FBXO25: variants seen among roughly 807,000 people sequenced by gnomAD.
The protein encoded by FBXO25 is F-box only protein 25.
A neutral mutation model predicts 51.9 loss-of-function variants in FBXO25; 45 were observed. The observed-to-expected ratio is 0.87, with a 90% confidence interval of 0.68 to 1.11. The LOEUF (loss-of-function observed/expected upper bound fraction) is 1.11, where lower values mean the gene tolerates loss of function less well. Among genes scored for constraint, FBXO25 ranks in the 50% most tolerant of loss-of-function variants. FBXO25 has a pLI of 0.00. For missense variants in FBXO25, 507 were observed against 428.5 expected, an observed-to-expected ratio of 1.18 and a Z score of -1.62; for synonymous variants, 199 against 151.0, an observed-to-expected ratio of 1.32 and a Z score of -2.33.
In FBXO25 at chr8:451,271, C is replaced by G; in HGVS notation, c.478C>G (p.Leu160Val). Reference sequence around the variant, plus strand: ...AGTTTTATTTTTATTTATTCCAGTTCTTGATGACCACCACAATCCTCGCTT... The same window carrying G: ...AGTTTTATTTTTATTTATTCCAGTTGTTGATGACCACCACAATCCTCGCTT... ...NILDKIVQKV[L>V]DDHHNPRLIK... is the part of the protein sequence containing the mutation. Residue 160 changes from leucine to valine, a missense_variant and splice_region_variant, in exon 7 of 10, where the codon CTT becomes GTT. Coordinates refer to ENST00000350302, the MANE Select transcript of FBXO25 (RefSeq NM_183420.2). The G allele has an allele frequency of 1.3e-6, 2 of 1,590,390 alleles. No individual in the cohort carries two copies. The highest frequency in any genetic ancestry group is 1.7e-6 in the Non-Finnish European group (2 of 1,172,348).
chr8:419,490 A>G (rs1167534511), intron 2 of FBXO25, among the ~76,000 whole-genome samples: 3 of 152,248 alleles, frequency 2.0e-5, no homozygotes, highest in Admixed American at 1.3e-4. Context: ...AGGACCCCAG[A>G]TAAGTCCATA....
chr8:441,430 GC>G (rs1157469560), intron 5 of FBXO25, among the ~76,000 whole-genome samples: 2 of 152,124 alleles, frequency 1.3e-5, no homozygotes, highest in African/African-American at 4.8e-5. Context: ...GAAAAGCTAG[GC>G]AGTACCATTC....
chr8:417,693 A>G (rs549041147), intron 2 of FBXO25, among the ~76,000 whole-genome samples: 22 of 152,234 alleles, frequency 1.4e-4, no homozygotes, highest in Admixed American at 5.2e-4. Context: ...TTGCATGTTC[A>G]TCCTTTTCCT....
rs200012232 is a variant in FBXO25, at chr8:468,690, C to T, written c.988-25C>T. The T allele has an allele frequency of 5.3e-5, 85 of 1,607,894 alleles. No individual in the cohort carries two copies. In the African/African-American group the frequency reaches 1.0e-3, roughly 19 times the overall value. On this transcript the variant is annotated intron_variant, in intron 9 of 9. Coordinates refer to ENST00000350302, the MANE Select transcript of FBXO25 (RefSeq NM_183420.2). ...GTGTGGCTGGTGGTGGGGCCCCCTC[C>T]TAACCATCTCCCACCTCCCCACAGG...
At chr8:442,329 A>G (rs1021051469) in intron 5 of FBXO25, among the ~76,000 whole-genome samples, 6 of 151,760 alleles carry the variant, frequency 4.0e-5, no homozygotes, top group Non-Finnish European at 7.4e-5. Context: ...CATAAGTTCT[A>G]CTTGAAGTAG....
At chr8:425,952 T>C (rs1797447788) in intron 2 of FBXO25, among the ~76,000 whole-genome samples, 1 of 151,950 alleles carries the variant, frequency 6.6e-6, no homozygotes. Context: ...TTAGTTTCTT[T>C]GGTTGGCTCC....
At chr8:438,913 C>T (rs143534034) in intron 5 of FBXO25, among the ~76,000 whole-genome samples, 2,055 of 152,256 alleles carry the variant, frequency 0.013, 26 homozygotes, top group Non-Finnish European at 0.021. Flanking sequence ...AAGTTGTCTG[C>T]GTCCCCATCC....
intron 1 of FBXO25, among the ~76,000 whole-genome samples, chr8:412,732 T>C (rs1263531238): frequency 6.6e-6 from 1 of 152,234 alleles, no homozygotes; most frequent in Non-Finnish European, 1.5e-5. Flanking sequence ...TGCTTCTAAC[T>C]TCTGGCAAAG....
chr8:441,855 A>G (rs1385172431), intron 5 of FBXO25, among the ~76,000 whole-genome samples: 1 of 152,196 alleles, frequency 6.6e-6, no homozygotes, highest in East Asian at 1.9e-4. Flanking sequence ...AAAGTCAGGA[A>G]ACAACAGATG....
chr8:434,051 A>C (rs1475607489), intron 4 of FBXO25, among the ~76,000 whole-genome samples: 2 of 152,224 alleles, frequency 1.3e-5, no homozygotes, highest in Admixed American at 1.3e-4. Context: ...ATATGCAGGA[A>C]AGGAGGATCT....
intron 8 of FBXO25, 129 bp downstream of exon 8, chr8:458,680 A>T (rs568505772): frequency 1.2e-6 from 1 of 849,530 alleles, no homozygotes; most frequent in African/African-American, 1.7e-5. Context: ...ACCAGGAACA[A>T]TCAGAGTTTA....
intron 2 of FBXO25, among the ~76,000 whole-genome samples, chr8:413,826 A>C (rs1396507232): frequency 6.6e-6 from 1 of 152,214 alleles, no homozygotes; most frequent in Non-Finnish European, 1.5e-5. Context: ...CTAGAGCACT[A>C]GCGCAAGGGA....
intron 2 of FBXO25, among the ~76,000 whole-genome samples, chr8:417,161 A>T (rs564899222): frequency 6.6e-6 from 1 of 152,214 alleles, no homozygotes; most frequent in Non-Finnish European, 1.5e-5. Flanking sequence ...ACAAGATCCC[A>T]GCCTGACTGG....
At chr8:467,700 C>A (rs1800266245) in intron 9 of FBXO25, 1 of 1,613,526 alleles carries the variant, frequency 6.2e-7, no homozygotes, top group Non-Finnish European at 8.5e-7. Context: ...CTTCCTGATT[C>A]TTTCTTCATG....
intron 9 of FBXO25, chr8:468,411 CG>C: frequency 2.2e-6 from 1 of 450,168 alleles, no homozygotes; most frequent in Non-Finnish European, 2.9e-6. Flanking sequence ...TTGTAGATTC[CG>C]GGGCAGTGCA....
chr8:457,898 C>T (rs534315763), intron 7 of FBXO25, among the ~76,000 whole-genome samples: 1 of 152,330 alleles, frequency 6.6e-6, no homozygotes, highest in African/African-American at 2.4e-5. Flanking sequence ...CTGGGGTGAC[C>T]AGCTGTGACC....
intron 7 of FBXO25, among the ~76,000 whole-genome samples, chr8:453,753 C>A (rs186846797): frequency 1.1e-4 from 17 of 152,154 alleles, no homozygotes; most frequent in Non-Finnish European, 2.2e-4. Context: ...CCATGTCAGC[C>A]TCAGGATATA....
At chr8:447,416 C>G (rs1166343158) in intron 5 of FBXO25, among the ~76,000 whole-genome samples, 1 of 152,082 alleles carries the variant, frequency 6.6e-6, no homozygotes, top group Non-Finnish European at 1.5e-5. Context: ...TGGATATTCT[C>G]TAAGGAAATT....
chr8:471,295 G>A lies in FBXO25; in HGVS notation c.*2491G>A, dbSNP rs552418746. The A allele has an allele frequency of 4.6e-5, 7 of 152,156 alleles. No homozygotes were observed. The East Asian group carries it at 9.7e-4, about 21-fold the overall frequency. The allele number at this position is 152,156 out of a possible 1,614,324, so 9.4% of individuals were successfully genotyped here. A position where few individuals can be genotyped will look rare whatever the true frequency, so the allele number is the denominator to read the frequency against. On this transcript the variant is annotated 3_prime_UTR_variant, in exon 10 of 10. Transcript: ENST00000350302. The stretch of plus-strand genomic sequence containing the variant: ...GGGAGAGATTGAAAGGTTAATGGAG[G>A]GTATAAGGACAGAATAAAGACAATT...
Sources: allele counts gnomAD v4.1 joint callset (sites outside exome capture counted in the v4.1 genomes callset), GRCh38; gene constraint gnomAD v4.1.1; transcripts MANE v1.5; gene names NCBI Gene and HGNC (gene_info 2026-07-23, HGNC 2026-07-21).